Variants in MAP3K13 observed in about 807,000 individuals in gnomAD.
The protein encoded by MAP3K13 is mitogen-activated protein kinase kinase kinase 13.
A neutral mutation model predicts 104.0 loss-of-function variants in MAP3K13; 52 were observed. The ratio of observed to expected loss-of-function variants is 0.50; its 90% confidence interval spans 0.40 to 0.63. The LOEUF is 0.63. MAP3K13 is among the 20% of genes least tolerant of loss of function. The pLI, the probability that MAP3K13 is intolerant of heterozygous loss-of-function variation, is 0.00. For missense variants in MAP3K13, 914 were observed against 1,218.5 expected (o/e 0.75, Z 3.72); for synonymous variants, 394 against 442.2 (o/e 0.89, Z 1.37).
At chr3:185,379,975 C>T (rs1038313290) in intron 1 of MAP3K13, among the ~76,000 whole-genome samples, 3 of 151,922 alleles carry the variant, frequency 2.0e-5, no homozygotes, top group African/African-American at 7.3e-5. Flanking sequence ...CACCTGAGGT[C>T]AGGTGTTCAA....
intron 1 of MAP3K13, among the ~76,000 whole-genome samples, chr3:185,367,289 G>A (rs2108746830): frequency 6.6e-6 from 1 of 152,238 alleles, no homozygotes; most frequent in Non-Finnish European, 1.5e-5. Context: ...GTTTGTGATG[G>A]GACCCAGTGA....
intron 1 of MAP3K13, among the ~76,000 whole-genome samples, chr3:185,381,104 A>T (rs2108758768): frequency 6.6e-6 from 1 of 152,260 alleles, no homozygotes; most frequent in Admixed American, 6.5e-5. Flanking sequence ...CTGGGATTAC[A>T]GGCGTGTGCT....
chr3:185,439,285 G>A (rs1715203101), intron 3 of MAP3K13, among the ~76,000 whole-genome samples: 1 of 152,174 alleles, frequency 6.6e-6, no homozygotes, highest in Non-Finnish European at 1.5e-5. Context: ...AGCTTCAATT[G>A]CTGCAGTTAA....
intron 2 of MAP3K13, among the ~76,000 whole-genome samples, chr3:185,338,264 A>T: frequency 6.9e-6 from 1 of 145,604 alleles, no homozygotes; most frequent in South Asian, 2.4e-4. Context: ...CAGGAGGCAG[A>T]GGTTGCAGTG....
At position 185,315,405 on chromosome 3, in the gene MAP3K13, C is replaced by T. The variant is rs568457593; in HGVS notation, c.-86+29762C>T. 8.5e-5 allele frequency among the ~76,000 whole-genome samples: 13 copies of T among 152,140 alleles called. No homozygotes were observed. The highest frequency in any genetic ancestry group is 1.3e-4 in the Non-Finnish European group (9 of 68,032). On this transcript the variant is annotated intron_variant, in intron 2 of 14. Coordinates refer to the MAP3K13 transcript ENST00000424227. This position sits in a 1 kb window ranked among gnomAD's most constrained non-coding sequence, Gnocchi z 4.3. ...CAAAAACAGATTGCTGGGTTCTACCCTAGAGTTTCTGATTCAGTAGGTCTG... is the reference window on the plus strand; with the variant it reads ...CAAAAACAGATTGCTGGGTTCTACCTTAGAGTTTCTGATTCAGTAGGTCTG...
chr3:185,483,397 C>T lies in MAP3K13; in HGVS notation c.*941C>T. 1 of 231,530 alleles carries T rather than the reference C, an allele frequency of 4.3e-6. No individual in the cohort carries two copies. Among genetic ancestry groups the T allele is most frequent in the Admixed American group, 5.6e-5 (1 of 17,714 alleles). The allele number at this position is 231,530 out of a possible 1,614,324, so 14.3% of individuals were successfully genotyped here. On this transcript the variant is annotated 3_prime_UTR_variant, in exon 14 of 14. Coordinates refer to ENST00000265026, the MANE Select transcript of MAP3K13 (RefSeq NM_004721.5). Reference sequence around the variant, plus strand: ...TCATTTCCTTTCTGCCTGCTGACCACTTCCTGTAGGAACAAAGGTTGGGGG... The same window carrying T: ...TCATTTCCTTTCTGCCTGCTGACCATTTCCTGTAGGAACAAAGGTTGGGGG...
At chr3:185,328,641 AT>A (rs1265277277) in intron 2 of MAP3K13, 2 of 152,272 alleles carry the variant, frequency 1.3e-5, no homozygotes, top group African/African-American at 4.8e-5. Flanking sequence ...TGGGAAAGAA[AT>A]CCCCTCGGAA....
chr3:185,298,090 A>G (rs1720982100), intron 2 of MAP3K13, among the ~76,000 whole-genome samples: 1 of 152,156 alleles, frequency 6.6e-6, no homozygotes, highest in Admixed American at 6.5e-5. Flanking sequence ...GTACCTCACT[A>G]AACAAAGCTG....
chr3:185,313,429 C>G (rs1249064489), intron 2 of MAP3K13, among the ~76,000 whole-genome samples: 1 of 151,672 alleles, frequency 6.6e-6, no homozygotes, highest in Non-Finnish European at 1.5e-5. Context: ...GCCACCATGC[C>G]CAGCTAATTT....
chr3:185,338,237 G>A (rs1270920113), intron 2 of MAP3K13, among the ~76,000 whole-genome samples: 2 of 151,282 alleles, frequency 1.3e-5, no homozygotes, highest in Non-Finnish European at 2.9e-5. Flanking sequence ...GGCTGAGGCA[G>A]GAGAATCTCT....
intron 2 of MAP3K13, among the ~76,000 whole-genome samples, chr3:185,342,995 T>C (rs1490165606): frequency 6.6e-6 from 1 of 152,172 alleles, no homozygotes; most frequent in Admixed American, 6.5e-5. Flanking sequence ...ATTTTGTTTT[T>C]TTCTCCCTGT....
At chr3:185,467,164 A>G (rs919024983) in intron 10 of MAP3K13, among the ~76,000 whole-genome samples, 7 of 152,238 alleles carry the variant, frequency 4.6e-5, no homozygotes, top group Non-Finnish European at 1.0e-4. Flanking sequence ...TCTGTGGCAT[A>G]AATATTTATT....
chr3:185,469,652 TCCTGCTG>T (rs1235098980), intron 10 of MAP3K13, among the ~76,000 whole-genome samples: 2 of 152,194 alleles, frequency 1.3e-5, no homozygotes, highest in Non-Finnish European at 2.9e-5. Context: ...AAAACCCATC[TCCTGCTG>T]CCTGCTGCCT....
intron 4 of MAP3K13, among the ~76,000 whole-genome samples, chr3:185,444,050 G>T (rs1045465384): frequency 3.9e-5 from 6 of 152,266 alleles, no homozygotes; most frequent in African/African-American, 1.2e-4. Flanking sequence ...TAAGAAACAG[G>T]CTAGCTGGGT....
At chr3:185,295,100 A>G (rs1720872241) in intron 2 of MAP3K13, among the ~76,000 whole-genome samples, 1 of 152,084 alleles carries the variant, frequency 6.6e-6, no homozygotes, top group Admixed American at 6.6e-5. Flanking sequence ...TCAGCCCCAA[A>G]TCTTCAATCA....
chr3:185,459,316 GC>G (rs1053179993), intron 7 of MAP3K13, among the ~76,000 whole-genome samples: 9 of 151,964 alleles, frequency 5.9e-5, no homozygotes, highest in African/African-American at 1.2e-4. Context: ...CCTCTAATAA[GC>G]CCCCCAAATC....
intron 1 of MAP3K13, among the ~76,000 whole-genome samples, chr3:185,407,596 G>T (rs1713184899): frequency 6.6e-6 from 1 of 152,146 alleles, no homozygotes; most frequent in Non-Finnish European, 1.5e-5. Context: ...GCCTTCTGGT[G>T]ATTCTACTAT....
intron 2 of MAP3K13, among the ~76,000 whole-genome samples, chr3:185,342,433 A>C (rs1722755523): frequency 6.6e-6 from 1 of 152,162 alleles, no homozygotes; most frequent in South Asian, 2.1e-4. Context: ...CGAGACTTTT[A>C]TATAAAGAAA....
In MAP3K13 at chr3:185,482,425, C is replaced by T. The variant is rs1718518054; in HGVS notation, c.2870C>T (p.Thr957Ile). Residue 957 changes from threonine (T) to isoleucine (I), a missense_variant, in exon 14 of 14, where the codon ACC (threonine) becomes ATC (isoleucine). Physicochemically the swap from Thr to Ile is moderately conservative, Grantham distance 89 (BLOSUM62 -1). This residue lies in a region of MAP3K13 where 583 missense variants were observed against 737.4 expected (regional missense o/e 0.79). Transcript: ENST00000265026. This position sits in a 1 kb window ranked among gnomAD's most constrained non-coding sequence, Gnocchi z 4.5. ...GAGTGTTCTGATGCCACAGTTAGGACCAATAAACACTACAGCTCTGCTACC... is the reference window on the plus strand; with the variant it reads ...GAGTGTTCTGATGCCACAGTTAGGATCAATAAACACTACAGCTCTGCTACC... ...DGECSDATVRTNKHYSSATW is the reference protein window; with the variant it reads ...DGECSDATVRINKHYSSATW 3.1e-6 allele frequency: 5 copies of T among 1,613,818 alleles called. No homozygotes were observed. Among genetic ancestry groups the T allele is most frequent in the Non-Finnish European group, 4.2e-6 (5 of 1,179,756 alleles).
Sources: gnomAD v4.1 joint callset for allele counts (sites outside exome capture counted in the v4.1 genomes callset) on GRCh38, gnomAD v4.1.1 for gene constraint, gnomAD v4.1.1 regional missense constraint, Gnocchi (gnomAD v3.1) non-coding constraint, MANE v1.5 for transcripts, NCBI Gene and HGNC (gene_info 2026-07-23, HGNC 2026-07-21) for gene names.